Variants in ZNF630 observed in about 807,000 individuals in gnomAD.
The protein encoded by ZNF630 is zinc finger protein 630.
ZNF630 carries 5 observed loss-of-function variants against 7.2 expected under a neutral mutation model. That is an observed-to-expected ratio of 0.70 (90% CI 0.36 to 1.46). The LOEUF is 1.46. ZNF630 is among the 40% of genes most tolerant of loss of function. The probability of loss-of-function intolerance (pLI) is 0.03; values close to 1 mark genes in which losing one functional copy is unlikely to be tolerated. For synonymous variants in ZNF630, 158 were observed against 162.8 expected, an observed-to-expected ratio of 0.97 and a Z score of 0.23; for missense variants, 461 against 477.0, an observed-to-expected ratio of 0.97 and a Z score of 0.31.
At position 48,059,643 on chromosome X, in the gene ZNF630, T is replaced by TAA. The variant is rs782105150; in HGVS notation, c.798_799insTT (p.Met267LeufsTer97). The stretch of plus-strand genomic sequence containing the variant: ...TTCTTGATAAAGGCTTTCCCACACA[T>TAA]ACTACAAACATTGGGTTTCTCTCTG... On this transcript the variant is annotated frameshift_variant, in exon 5 of 5. Coordinates refer to ENST00000276054, the MANE Select transcript of ZNF630 (RefSeq NM_001282201.2). LOFTEE classifies it low-confidence loss of function (END_TRUNC). 6.6e-6 allele frequency: 8 copies of TAA among 1,207,108 alleles called. No homozygotes were observed. Among genetic ancestry groups the TAA allele is most frequent in the Non-Finnish European group, 6.7e-6 (6 of 893,057 alleles).
At chrX:48,062,967 AGAGAGAGAGGGAGG>A (rs1307567627) in intron 2 of ZNF630, among the ~76,000 whole-genome samples, 2 of 64,879 alleles carry the variant, frequency 3.1e-5, no homozygotes. Flanking sequence ...AGAGAGAGAG[AGAGAGAGAGGGAGG>A]GAGGGAGGGA....
rs2059079327 is a variant in ZNF630, at chrX:48,058,358, GA to G, written c.*109del. 1.3e-6 allele frequency: 1 copy of G among 767,306 alleles called. No individual in the cohort carries two copies. The highest frequency in any genetic ancestry group is 2.1e-5 in the African/African-American group (1 of 46,951). The allele number at this position is 767,306 out of a possible 1,213,427, so 63.2% of individuals were successfully genotyped here. A position where few individuals can be genotyped will look rare whatever the true frequency, so the allele number is the denominator to read the frequency against. ...CTGTGGAAGGGTAATCATGTATACT[GA>G]GGAACATATTAGTCTATTCTACAGT... On this transcript the variant is annotated 3_prime_UTR_variant, in exon 5 of 5. Coordinates refer to ENST00000276054, the MANE Select transcript of ZNF630 (RefSeq NM_001282201.2).
Position 48,059,589 on chromosome X carries a change from G to C in ZNF630, c.853C>G (p.His285Asp), listed in dbSNP as rs1556908696. 8.3e-7 allele frequency: 1 copy of C among 1,208,330 alleles called. No homozygotes were observed. Among genetic ancestry groups the C allele is most frequent in the Admixed American group, 2.2e-5 (1 of 45,947 alleles). Residue 285 changes from histidine (H) to aspartate (D), a missense_variant, in exon 5 of 5, where the codon CAT becomes GAT. Physicochemically the swap from His to Asp is moderately conservative, Grantham distance 81. Transcript: ENST00000276054. ...CATACATATGGTTTCTCTCCAGTATGAATTCTTTGATGTATAATGAGCTGT... is the reference window on the plus strand; with the variant it reads ...CATACATATGGTTTCTCTCCAGTATCAATTCTTTGATGTATAATGAGCTGT... ...KSQLIIHQRI[H>D]TGEKPYVCGD...
rs1210374790 is a variant in ZNF630, at chrX:48,069,841, G to GT, written c.-176+1425dup. On this transcript the variant is annotated intron_variant, in intron 1 of 4. Coordinates refer to ENST00000276054, the MANE Select transcript of ZNF630 (RefSeq NM_001282201.2). ...TCCTAAATTCCACAGGACATTGTCT[G>GT]TTTTTTTTTTTTTTGTTTTTTGTTT... 2.2e-3 allele frequency among the ~76,000 whole-genome samples: 90 copies of GT among 41,120 alleles called. 1 individual carries two copies. Among genetic ancestry groups the GT allele is most frequent in the African/African-American group, 4.8e-3 (78 of 16,371 alleles). 35.7% of individuals were successfully genotyped at this position (41,120 alleles called of 115,157 possible).
chrX:48,069,687 C>G (rs782361912), intron 1 of ZNF630, among the ~76,000 whole-genome samples: 34 of 110,623 alleles, frequency 3.1e-4, no homozygotes, highest in Non-Finnish European at 9.5e-5. Flanking sequence ...TGTCTAAGAT[C>G]ACACTGCCAG....
At chrX:48,065,441 A>AAAG (rs55774425) in intron 2 of ZNF630, among the ~76,000 whole-genome samples, 2,005 of 96,476 alleles carry the variant, frequency 0.021, 65 homozygotes, top group African/African-American at 0.073. Flanking sequence ...GTCTCAAAAA[A>AAAG]AAAGAAAGAA....
At position 48,058,941 on chromosome X, in the gene ZNF630, G is replaced by A; in HGVS notation, c.1501C>T (p.Pro501Ser). ...TGAATTCTCTGGTGTATGATAAGAG[G>A]TGATTTCTGAGAGAAGGATTTTCCA... ...ECGKSFSQKS[P>S]LIIHQRIHTG... is the part of the protein sequence containing the mutation. Residue 501 changes from proline (P) to serine (S), a missense_variant, in exon 5 of 5, where the codon CCT (proline) becomes TCT (serine). Pro to Ser is a moderately conservative substitution (Grantham distance 74). Transcript: ENST00000276054. 1 of 1,208,349 alleles carries A rather than the reference G, an allele frequency of 8.3e-7. No individual in the cohort carries two copies. The highest frequency in any genetic ancestry group is 1.1e-6 in the Non-Finnish European group (1 of 893,194).
chrX:48,069,841 G>GTTTTTTTT (rs1210374790), intron 1 of ZNF630, among the ~76,000 whole-genome samples: 4 of 41,120 alleles, frequency 9.7e-5, no homozygotes, highest in African/African-American at 6.1e-5. Context: ...GACATTGTCT[G>GTTTTTTTT]TTTTTTTTTT....
chrX:48,071,043 C>G, intron 1 of ZNF630: 1 of 109,515 alleles, frequency 9.1e-6, no homozygotes, highest in Non-Finnish European at 1.9e-5. Flanking sequence ...TTCACCCATC[C>G]CATAGAAGCC....
chrX:48,057,912 C>T lies in ZNF630; in HGVS notation c.*556G>A, dbSNP rs2059077255. On this transcript the variant is annotated 3_prime_UTR_variant, in exon 5 of 5. Coordinates refer to ENST00000276054, the MANE Select transcript of ZNF630 (RefSeq NM_001282201.2). ...CTCTACTAAAAATACAAAAATTAGC[C>T]GGGCCTGGTGGTGCATGCCTATAAT... Among the ~76,000 whole-genome samples, 1 of 109,498 alleles carries T rather than the reference C, an allele frequency of 9.1e-6. No individual in the cohort carries two copies. The highest frequency in any genetic ancestry group is 3.3e-5 in the African/African-American group (1 of 29,907).
intron 1 of ZNF630, among the ~76,000 whole-genome samples, chrX:48,069,451 C>A (rs1269825591): frequency 9.0e-6 from 1 of 110,813 alleles, no homozygotes; most frequent in Admixed American, 9.6e-5. Flanking sequence ...AAACCTTATT[C>A]CTTGGTATTT....
intron 2 of ZNF630, 132 bp from the exon 3 acceptor site, chrX:48,061,077 A>C: frequency 2.0e-6 from 1 of 488,789 alleles, no homozygotes; most frequent in Non-Finnish European, 3.1e-6. Context: ...TGCCATTAGC[A>C]AGAATAGTTA....
chrX:48,059,404 G>A lies in ZNF630; in HGVS notation c.1038C>T (p.Pro346=). ...CTTTTGGACACTCAAAACACTCATAGGGTTTCTCTCCAGTATGGACTCTCT... is the reference window on the plus strand; with the variant it reads ...CTTTTGGACACTCAAAACACTCATAAGGTTTCTCTCCAGTATGGACTCTCT... ...VHQRVHTGEK[P]YECFECPKAF... is the part of the protein sequence containing the mutation. Residue 346 remains proline (P), a synonymous_variant, in exon 5 of 5, where the codon CCC becomes CCT. Coordinates refer to ENST00000276054, the MANE Select transcript of ZNF630 (RefSeq NM_001282201.2). The A allele has an allele frequency of 1.7e-6, 2 of 1,207,659 alleles. No homozygotes were observed. The highest frequency in any genetic ancestry group is 3.5e-5 in the African/African-American group (2 of 57,292).
chrX:48,067,625 C>T, intron 1 of ZNF630, among the ~76,000 whole-genome samples: 1 of 111,589 alleles, frequency 9.0e-6, no homozygotes, highest in Middle Eastern at 4.6e-3. Context: ...CATGGCGAAC[C>T]CCATCTCTAC....
At chrX:48,061,157 G>A (rs868915713) in intron 2 of ZNF630, among the ~76,000 whole-genome samples, 5 of 111,102 alleles carry the variant, frequency 4.5e-5, no homozygotes, top group Middle Eastern at 4.6e-3. Flanking sequence ...AATAAAGGTA[G>A]CATTTTAAAC....
chrX:48,061,425 A>G (rs782386830), intron 2 of ZNF630, among the ~76,000 whole-genome samples: 3 of 112,018 alleles, frequency 2.7e-5, no homozygotes, highest in Non-Finnish European at 5.6e-5. Flanking sequence ...ACATGGCAAA[A>G]TATATCAAAC....
chrX:48,066,860 C>A lies in ZNF630; in HGVS notation c.15+12G>T. 1 of 1,207,148 alleles carries A rather than the reference C, an allele frequency of 8.3e-7. No individual in the cohort carries two copies. The highest frequency in any genetic ancestry group is 1.1e-6 in the Non-Finnish European group (1 of 892,526). On this transcript the variant is annotated intron_variant, in intron 2 of 4. Transcript: ENST00000276054. ...TGTTGTGGGAAAACCAAGTGGCAAA[C>A]AAATAACTTACCTGGGACTCAATCA...
intron 1 of ZNF630, among the ~76,000 whole-genome samples, chrX:48,068,590 T>C (rs1313545303): frequency 1.8e-5 from 2 of 111,848 alleles, no homozygotes; most frequent in African/African-American, 6.5e-5. Flanking sequence ...TTGATTTTTT[T>C]CCAATGATAA....
At chrX:48,067,700 CG>C (rs1337483769) in intron 1 of ZNF630, among the ~76,000 whole-genome samples, 1 of 110,710 alleles carries the variant, frequency 9.0e-6, no homozygotes, top group Non-Finnish European at 1.9e-5. Flanking sequence ...TGTTGGGAGG[CG>C]GAGGTGGGCA....
Sources: gnomAD v4.1 joint callset for allele counts (sites outside exome capture counted in the v4.1 genomes callset) on GRCh38, gnomAD v4.1.1 for gene constraint, MANE v1.5 for transcripts, NCBI Gene and HGNC (gene_info 2026-07-23, HGNC 2026-07-21) for gene names.